Variants in SPOCK1 observed in about 807,000 individuals in gnomAD.
SPOCK1 encodes the protein testican-1.
SPOCK1 carries 23 observed loss-of-function variants against 55.3 expected under a neutral mutation model. That is an observed-to-expected ratio of 0.42 (90% CI 0.30 to 0.59). SPOCK1 has a LOEUF of 0.59. Ranked by LOEUF, SPOCK1 falls within the 20% of genes least tolerant of loss-of-function variation. SPOCK1 has a pLI of 0.22. For synonymous variants in SPOCK1, 226 were observed against 221.0 expected (o/e 1.02, Z -0.20); for missense variants, 499 against 552.5 (o/e 0.90, Z 0.97).
At chr5:137,405,210 T>C (rs1482030034) in intron 2 of SPOCK1, among the ~76,000 whole-genome samples, 1 of 152,214 alleles carries the variant, frequency 6.6e-6, no homozygotes, top group Admixed American at 6.5e-5. Context: ...TTCATCACTG[T>C]TTAGGTCAAG....
At chr5:137,292,810 C>T (rs1322594419) in intron 2 of SPOCK1, among the ~76,000 whole-genome samples, 2 of 152,090 alleles carry the variant, frequency 1.3e-5, no homozygotes, top group Non-Finnish European at 2.9e-5. Context: ...TAATTAAACC[C>T]ATAAATCCAC....
intron 2 of SPOCK1, among the ~76,000 whole-genome samples, chr5:137,489,142 C>A (rs1420864005): frequency 6.6e-6 from 1 of 152,198 alleles, no homozygotes; most frequent in African/African-American, 2.4e-5. Context: ...GAACAATGGG[C>A]AGACTCAGAC....
At chr5:136,997,550 G>A (rs1396039807) in intron 6 of SPOCK1, among the ~76,000 whole-genome samples, 3 of 152,126 alleles carry the variant, frequency 2.0e-5, no homozygotes. Context: ...GAGCTAAATG[G>A]CCTGCAGGAC....
chr5:137,434,323 A>G (rs1752809712), intron 2 of SPOCK1, among the ~76,000 whole-genome samples: 1 of 152,060 alleles, frequency 6.6e-6, no homozygotes. Flanking sequence ...AACATCCCCC[A>G]TTCCAATGAT....
intron 6 of SPOCK1, among the ~76,000 whole-genome samples, chr5:137,016,538 T>G (rs1323514104): frequency 6.6e-6 from 1 of 152,242 alleles, no homozygotes; most frequent in Admixed American, 6.5e-5. Context: ...GAAACAGGCT[T>G]GTACTAAAAA....
chr5:137,247,537 G>A (rs1359481131), intron 3 of SPOCK1, among the ~76,000 whole-genome samples: 1 of 152,056 alleles, frequency 6.6e-6, no homozygotes, highest in Non-Finnish European at 1.5e-5. Context: ...TATCTCTTCT[G>A]GACCCCAGCT....
intron 5 of SPOCK1, among the ~76,000 whole-genome samples, chr5:137,078,186 T>C (rs981501409): frequency 1.2e-4 from 19 of 152,154 alleles, no homozygotes; most frequent in African/African-American, 3.9e-4. Flanking sequence ...CTCGTTCACA[T>C]GTCTCTCGCC....
chr5:137,272,272 G>A (rs1356360708), intron 2 of SPOCK1, among the ~76,000 whole-genome samples: 1 of 152,192 alleles, frequency 6.6e-6, no homozygotes, highest in African/African-American at 2.4e-5. Context: ...TGACTGGGGG[G>A]AATAGGAAGA....
intron 5 of SPOCK1, 126 bp from the exon 6 acceptor site, chr5:137,067,955 A>G (rs1752542523): frequency 1.5e-6 from 1 of 687,008 alleles, no homozygotes; most frequent in Non-Finnish European, 2.6e-6. Context: ...GGTCGACCTC[A>G]GGTAGAGGTC....
At chr5:137,459,099 G>A (rs567177343) in intron 2 of SPOCK1, among the ~76,000 whole-genome samples, 3 of 152,330 alleles carry the variant, frequency 2.0e-5, no homozygotes, top group African/African-American at 7.2e-5. Context: ...GAGTGAGTGT[G>A]TTGGTGACTA....
At chr5:137,052,970 C>T (rs1752232642) in intron 6 of SPOCK1, among the ~76,000 whole-genome samples, 1 of 151,976 alleles carries the variant, frequency 6.6e-6, no homozygotes, top group African/African-American at 2.4e-5. Flanking sequence ...TTTCTTCTGT[C>T]CAACTGCAGG....
At chr5:137,331,887 AAC>A in intron 2 of SPOCK1, among the ~76,000 whole-genome samples, 1 of 152,206 alleles carries the variant, frequency 6.6e-6, no homozygotes, top group Non-Finnish European at 1.5e-5. Context: ...AGGCAAACAG[AAC>A]ACTCCCCAGA....
At chr5:137,140,746 AATT>A in intron 3 of SPOCK1, 52 bp from the exon 4 acceptor site, 11 of 704,452 alleles carry the variant, frequency 1.6e-5, no homozygotes, top group Admixed American at 8.4e-5. Context: ...AGGGAAATTT[AATT>A]TTTTTTTTTT....
intron 3 of SPOCK1, among the ~76,000 whole-genome samples, chr5:137,185,544 A>C (rs1213202214): frequency 1.3e-5 from 2 of 152,224 alleles, no homozygotes; most frequent in Non-Finnish European, 2.9e-5. Context: ...CACTTGTATG[A>C]CTTTAATACC....
intron 5 of SPOCK1, among the ~76,000 whole-genome samples, chr5:137,077,303 AAC>A (rs1260093042): frequency 6.6e-6 from 1 of 152,196 alleles, no homozygotes; most frequent in African/African-American, 2.4e-5. Context: ...AGACTTCTAC[AAC>A]AGTGAGGGGT....
chr5:137,264,936 G>C (rs1453966601), intron 3 of SPOCK1, among the ~76,000 whole-genome samples: 3 of 152,120 alleles, frequency 2.0e-5, no homozygotes, highest in African/African-American at 4.8e-5. Context: ...TACAAAGTGG[G>C]GATACTCAGC....
Position 137,164,817 on chromosome 5 carries a change from G to T in SPOCK1, c.233-24123C>A, listed in dbSNP as rs6860848. ...AGCCTGTGATGGTGGTGGCAATGGG[G>T]TGAGGCTGTTCTACCTTTGGAAAGG... On this transcript the variant is annotated intron_variant, in intron 3 of 10. Coordinates refer to ENST00000394945, the MANE Select transcript of SPOCK1 (RefSeq NM_004598.4). Among the ~76,000 whole-genome samples, 418 of 152,306 alleles carry T rather than the reference G, an allele frequency of 2.7e-3. 2 individuals are homozygous for T. The highest frequency in any genetic ancestry group is 9.4e-3 in the African/African-American group (391 of 41,580).
At chr5:137,175,309 T>C (rs951200948) in intron 3 of SPOCK1, among the ~76,000 whole-genome samples, 1 of 152,114 alleles carries the variant, frequency 6.6e-6, no homozygotes, top group African/African-American at 2.4e-5. Flanking sequence ...ACTGGTGGGT[T>C]GGATAGGTAG....
At chr5:137,101,114 CA>C (rs2127025421) in intron 5 of SPOCK1, among the ~76,000 whole-genome samples, 1 of 152,074 alleles carries the variant, frequency 6.6e-6, no homozygotes, top group African/African-American at 2.4e-5. Flanking sequence ...GAAGTCTGAC[CA>C]TACTCATTAG....
Sources: gnomAD v4.1 joint callset for allele counts (sites outside exome capture counted in the v4.1 genomes callset) on GRCh38, gnomAD v4.1.1 for gene constraint, MANE v1.5 for transcripts, NCBI Gene and HGNC (gene_info 2026-07-23, HGNC 2026-07-21) for gene names.